The following ZBTB20 variants were observed in gnomAD, a reference collection of about 807,000 sequenced individuals.
ZBTB20 encodes the protein zinc finger and BTB domain-containing protein 20.
ZBTB20 carries 9 observed loss-of-function variants against 56.9 expected under a neutral mutation model. That is an observed-to-expected ratio of 0.16 (90% CI 0.10 to 0.28). The LOEUF is 0.28. Among genes scored for constraint, ZBTB20 ranks in the 10% least tolerant of loss-of-function variants. The pLI is 1.00. For missense variants in ZBTB20, 655 were observed against 1,003.0 expected (o/e 0.65, Z 4.69); for synonymous variants, 417 against 420.7 (o/e 0.99, Z 0.11).
At chr3:114,831,880 T>C (rs546723433) in intron 4 of ZBTB20, among the ~76,000 whole-genome samples, 2 of 152,042 alleles carry the variant, frequency 1.3e-5, no homozygotes, top group South Asian at 2.1e-4. Context: ...AATGATATGT[T>C]TTTATTCTAG....
intron 2 of ZBTB20, among the ~76,000 whole-genome samples, chr3:115,055,858 AGTACAATAAAC>A (rs1245182756): frequency 2.0e-5 from 3 of 152,160 alleles, no homozygotes; most frequent in Non-Finnish European, 4.4e-5. Flanking sequence ...TATAGAGAAC[AGTACAATAAAC>A]GTATTATAAG....
intron 6 of ZBTB20, among the ~76,000 whole-genome samples, chr3:114,532,401 G>A (rs1024824186): frequency 6.6e-6 from 1 of 152,170 alleles, no homozygotes; most frequent in Non-Finnish European, 1.5e-5. Context: ...GCCCACCACA[G>A]TTCGGCAAAG....
intron 4 of ZBTB20, among the ~76,000 whole-genome samples, chr3:114,838,667 A>G (rs1274069723): frequency 1.3e-5 from 2 of 152,202 alleles, no homozygotes; most frequent in Non-Finnish European, 2.9e-5. Flanking sequence ...GAAATCCTAG[A>G]ATAGTAATAC....
intron 6 of ZBTB20, among the ~76,000 whole-genome samples, chr3:114,679,367 A>C (rs2061825652): frequency 6.6e-6 from 1 of 152,216 alleles, no homozygotes; most frequent in Non-Finnish European, 1.5e-5. Context: ...ATGGGAGAAA[A>C]TGTTTGCCAT....
At chr3:115,101,175 A>C (rs957056916) in intron 1 of ZBTB20, among the ~76,000 whole-genome samples, 1 of 152,252 alleles carries the variant, frequency 6.6e-6, no homozygotes, top group South Asian at 2.1e-4. Context: ...AATAAATCCC[A>C]TAAGAAGCTA....
chr3:114,563,395 A>G (rs950199366), intron 6 of ZBTB20, among the ~76,000 whole-genome samples: 8 of 152,218 alleles, frequency 5.3e-5, no homozygotes, highest in Admixed American at 3.3e-4. Context: ...AAATGTATTA[A>G]TCTTCGGTAA....
At chr3:114,452,661 T>TTCTA (rs1186069834) in intron 7 of ZBTB20, among the ~76,000 whole-genome samples, 1 of 152,172 alleles carries the variant, frequency 6.6e-6, no homozygotes, top group Non-Finnish European at 1.5e-5. Flanking sequence ...CATAAATGCA[T>TTCTA]TCTATAATTA....
chr3:114,385,365 T>C (rs1424562685), intron 8 of ZBTB20, among the ~76,000 whole-genome samples: 1 of 152,194 alleles, frequency 6.6e-6, no homozygotes, highest in Admixed American at 6.5e-5. Flanking sequence ...CTGTATGTCC[T>C]GGGTAGATTA....
chr3:114,682,405 A>G (rs1469172451), intron 6 of ZBTB20, among the ~76,000 whole-genome samples: 1 of 152,208 alleles, frequency 6.6e-6, no homozygotes, highest in Non-Finnish European at 1.5e-5. Context: ...AAAGAAGAGT[A>G]GTACTCCTTT....
At chr3:114,349,406 G>T (rs1366507148) in intron 11 of ZBTB20, among the ~76,000 whole-genome samples, 1 of 152,110 alleles carries the variant, frequency 6.6e-6, no homozygotes, top group East Asian at 1.9e-4. Flanking sequence ...GAGATCAGAA[G>T]ATCTTAGCTC....
chr3:114,746,669 G>A (rs2067069143), intron 5 of ZBTB20, among the ~76,000 whole-genome samples: 1 of 152,124 alleles, frequency 6.6e-6, no homozygotes. Context: ...GTCGTTACAA[G>A]CTTCATTTTA....
At chr3:114,797,577 T>C (rs2071414337) in intron 5 of ZBTB20, among the ~76,000 whole-genome samples, 1 of 151,970 alleles carries the variant, frequency 6.6e-6, no homozygotes, top group Non-Finnish European at 1.5e-5. Context: ...AATTCCTTAA[T>C]AACAGAAAAT....
chr3:114,361,328 A>G (rs2081855496), intron 10 of ZBTB20, among the ~76,000 whole-genome samples: 1 of 152,170 alleles, frequency 6.6e-6, no homozygotes, highest in African/African-American at 2.4e-5. Flanking sequence ...TATCATCCCC[A>G]TGAACCTTAT....
At chr3:114,789,055 G>T (rs2070758518) in intron 5 of ZBTB20, among the ~76,000 whole-genome samples, 1 of 152,198 alleles carries the variant, frequency 6.6e-6, no homozygotes, top group African/African-American at 2.4e-5. Flanking sequence ...TTCAAGATGA[G>T]ATTTGGGTAG....
intron 4 of ZBTB20, among the ~76,000 whole-genome samples, chr3:114,821,377 C>A (rs944843929): frequency 1.3e-5 from 2 of 152,092 alleles, no homozygotes; most frequent in African/African-American, 4.8e-5. Flanking sequence ...CTTTCAAGCC[C>A]TGCTGCACAT....
intron 2 of ZBTB20, among the ~76,000 whole-genome samples, chr3:115,025,222 C>T (rs1038732507): frequency 6.6e-6 from 1 of 151,192 alleles, no homozygotes; most frequent in Non-Finnish European, 1.5e-5. Flanking sequence ...TTTGTTAGTT[C>T]GCTAAGGCTA....
In ZBTB20 at chr3:114,314,860, A is replaced by G. The variant is rs1339954740; in HGVS notation, c.*24145T>C. 6.6e-6 allele frequency: 1 copy of G among 152,072 alleles called. No homozygotes were observed. Among genetic ancestry groups the G allele is most frequent in the African/African-American group, 2.4e-5 (1 of 41,416 alleles). The allele number at this position is 152,072 out of a possible 1,614,324, so 9.4% of individuals were successfully genotyped here. ...TTTTTGAATGTTTTTTTTCCTGTTT[A>G]AATAACAAATACAAGTCACAGGTAA... On this transcript the variant is annotated 3_prime_UTR_variant, in exon 12 of 12. Transcript: ENST00000675478.
At chr3:115,104,689 T>C (rs772548598) in intron 1 of ZBTB20, among the ~76,000 whole-genome samples, 4 of 152,214 alleles carry the variant, frequency 2.6e-5, no homozygotes, top group Non-Finnish European at 5.9e-5. Flanking sequence ...CAAAAACTCA[T>C]TGTTTGCAAG....
intron 2 of ZBTB20, among the ~76,000 whole-genome samples, chr3:115,036,376 T>C (rs1331859978): frequency 6.6e-6 from 1 of 152,032 alleles, no homozygotes; most frequent in Non-Finnish European, 1.5e-5. Flanking sequence ...CTCGGCTCAC[T>C]GTAACCTCCG....
Sources: gnomAD v4.1 joint callset for allele counts (sites outside exome capture counted in the v4.1 genomes callset) on GRCh38, gnomAD v4.1.1 for gene constraint, MANE v1.5 for transcripts, NCBI Gene and HGNC (gene_info 2026-07-23, HGNC 2026-07-21) for gene names.